The following USP38 variants were observed in gnomAD, a reference collection of about 807,000 sequenced individuals.
The protein encoded by USP38 is ubiquitin specific peptidase 38.
Under a neutral mutation model 94.3 loss-of-function variants are expected in USP38, and 49 were observed. The observed-to-expected ratio is 0.52, with a 90% CI of 0.41 to 0.66. The LOEUF (loss-of-function observed/expected upper bound fraction) is 0.66. USP38 is among the 30% of genes least tolerant of loss of function. The pLI is 0.00. For missense variants in USP38, 1,128 were observed against 1,229.4 expected (o/e 0.92, Z 1.23); for synonymous variants, 468 against 463.6 (o/e 1.01, Z -0.12).
intron 9 of USP38, among the ~76,000 whole-genome samples, chr4:143,219,061 A>T (rs1732256673): frequency 6.6e-6 from 1 of 152,254 alleles, no homozygotes; most frequent in Non-Finnish European, 1.5e-5. Context: ...CCAAAGAGCC[A>T]GCAATTTTAA....
chr4:143,188,034 A>T (rs1343775811), intron 2 of USP38, 73 bp downstream of exon 2: 11 of 1,445,304 alleles, frequency 7.6e-6, no homozygotes, highest in Admixed American at 4.9e-5. Flanking sequence ...TTTGTGAGTA[A>T]TGAAAAACTT....
chr4:143,212,376 C>G lies in USP38; in HGVS notation c.1556C>G (p.Pro519Arg), dbSNP rs769053014. The G allele has an allele frequency of 7.4e-6, 12 of 1,612,256 alleles. No homozygotes were observed. The highest frequency in any genetic ancestry group is 1.0e-5 in the Non-Finnish European group (12 of 1,178,998). Residue 519 changes from proline to arginine, a missense_variant, in exon 8 of 10, where the codon CCC becomes CGC. Coordinates refer to ENST00000307017, the MANE Select transcript of USP38 (RefSeq NM_032557.6). ...FEASRPPWFT[P>R]RSQQDCSEYL... is the part of the protein sequence containing the mutation. ...GCTTCCAGACCTCCATGGTTTACTC[C>G]CAGATCACAGCAAGACTGTTCTGAA...
intron 6 of USP38, 132 bp from the exon 7 acceptor site, chr4:143,209,432 G>A (rs983761887): frequency 5.8e-6 from 3 of 514,660 alleles, no homozygotes; most frequent in East Asian, 7.1e-5. Context: ...TGAGGTTTCG[G>A]TGAGCTGAGA....
In USP38 at chr4:143,209,758, A is replaced by G. The variant is rs1202185255; in HGVS notation, c.1497+101A>G. 11 of 665,080 alleles carry G rather than the reference A, an allele frequency of 1.7e-5. No individual in the cohort carries two copies. In the Admixed American group the frequency reaches 2.8e-4, roughly 17 times the overall value. The allele number at this position is 665,080 out of a possible 1,614,324, so 41.2% of individuals were successfully genotyped here. A position where few individuals can be genotyped will look rare whatever the true frequency, so the allele number is the denominator to read the frequency against. ...CCTTTTTAACTGATGAAATAATATA[A>G]TAGATATCTCACCCAGTATAACAAA... On this transcript the variant is annotated intron_variant, in intron 7 of 9. Coordinates refer to ENST00000307017, the MANE Select transcript of USP38 (RefSeq NM_032557.6).
At chr4:143,189,648 T>C (rs1344516115) in intron 2 of USP38, among the ~76,000 whole-genome samples, 3 of 152,030 alleles carry the variant, frequency 2.0e-5, no homozygotes, top group Non-Finnish European at 4.4e-5. Context: ...ATTGAATCAA[T>C]TTATCTGTAA....
At chr4:143,204,528 T>G (rs1240685308) in intron 5 of USP38, 2 of 400,300 alleles carry the variant, frequency 5.0e-6, no homozygotes, top group African/African-American at 2.1e-5. Context: ...TAGCTGGGAC[T>G]CCAGGTGCAC....
At chr4:143,212,962 A>G (rs1272393057) in intron 8 of USP38, among the ~76,000 whole-genome samples, 1 of 152,120 alleles carries the variant, frequency 6.6e-6, no homozygotes, top group Non-Finnish European at 1.5e-5. Flanking sequence ...CTCAGTTCTG[A>G]CAGTAAATAT....
At chr4:143,204,621 T>C (rs1300698604) in intron 5 of USP38, 2 of 314,330 alleles carry the variant, frequency 6.4e-6, no homozygotes, top group Admixed American at 9.4e-5. Flanking sequence ...ATTCCTAGGC[T>C]CAAGTGATCC....
chr4:143,209,048 T>C (rs1731952802), intron 6 of USP38, among the ~76,000 whole-genome samples: 1 of 151,472 alleles, frequency 6.6e-6, no homozygotes, highest in Admixed American at 6.6e-5. Context: ...TTTTATAGTG[T>C]GTTTTAATGA....
chr4:143,213,384 A>G (rs1310369836), intron 8 of USP38, among the ~76,000 whole-genome samples, 197 bp from the exon 9 acceptor site: 3 of 152,194 alleles, frequency 2.0e-5, no homozygotes, highest in Non-Finnish European at 4.4e-5. Flanking sequence ...TAATGAGAAT[A>G]TAGAGTAGTA....
rs772270124 is a variant in USP38, at chr4:143,203,392, C to A, written c.1051-16C>A. 1.9e-6 allele frequency: 3 copies of A among 1,602,054 alleles called. No individual in the cohort carries two copies. Among genetic ancestry groups the A allele is most frequent in the Non-Finnish European group, 2.6e-6 (3 of 1,172,972 alleles). ...TTTGTATAAATTCAGCATTGTTTAT[C>A]CTTTTTTCTTTTCAGATTGTTCCTC... On this transcript the variant is annotated splice_polypyrimidine_tract_variant and intron_variant, in intron 4 of 9. Coordinates refer to ENST00000307017, the MANE Select transcript of USP38 (RefSeq NM_032557.6).
Position 143,195,694 on chromosome 4 carries a change from TTTCATTTTCC to T in USP38, c.819-17_819-8del. The T allele has an allele frequency of 6.4e-7, 1 of 1,571,402 alleles. No homozygotes were observed. Among genetic ancestry groups the T allele is most frequent in the Non-Finnish European group, 8.6e-7 (1 of 1,159,452 alleles). On this transcript the variant is annotated splice_polypyrimidine_tract_variant and intron_variant, in intron 2 of 9. Transcript: ENST00000307017. ...ATGAAAATATTTTCAATAATGATTG[TTTCATTTTCC>T]TTCAATTTCAGAATGATTGACTGGC...
Position 143,185,932 on chromosome 4 carries a change from G to A in USP38, c.482G>A (p.Gly161Glu). ...LTDFVQCIPK[G>E]KLSITFCQQL... is the part of the protein sequence containing the mutation. ...GACTTTGTGCAATGCATCCCCAAGG[G>A]GAAATTGTCCATCACGTTCTGTCAA... Residue 161 changes from glycine to glutamate, a missense_variant, in exon 1 of 10, where the codon GGG becomes GAG. Physicochemically the swap from Gly to Glu is moderately conservative, Grantham distance 98 (BLOSUM62 -2). Coordinates refer to ENST00000307017, the MANE Select transcript of USP38 (RefSeq NM_032557.6). 1 of 1,614,166 alleles carries A rather than the reference G, an allele frequency of 6.2e-7. No individual in the cohort carries two copies. The highest frequency in any genetic ancestry group is 8.5e-7 in the Non-Finnish European group (1 of 1,180,038).
At position 143,220,434 on chromosome 4, in the gene USP38, C is replaced by T. The variant is rs1319882122; in HGVS notation, c.3107C>T (p.Thr1036Ile). 3 of 1,612,714 alleles carry T rather than the reference C, an allele frequency of 1.9e-6. No homozygotes were observed. Among genetic ancestry groups the T allele is most frequent in the Admixed American group, 3.3e-5 (2 of 59,804 alleles). The change falls in exon 10 of 10, where the codon ACA becomes ATA. Residue 1036 changes from threonine (T) to isoleucine (I), a missense_variant. Physicochemically the swap from Thr to Ile is moderately conservative, Grantham distance 89. Transcript: ENST00000307017. ...GGAGGGGGTGGAGGAGGATTTAATA[C>T]AGTTGGCAGACTCGTATTTTGATCC... ...TGGGGGGGFN[T>I]VGRLVF
In USP38 at chr4:143,198,240, G is replaced by A. The variant is rs562659796; in HGVS notation, c.1050+316G>A. 2.8e-4 allele frequency among the ~76,000 whole-genome samples: 43 copies of A among 152,246 alleles called. 1 individual carries two copies. In the South Asian group the frequency reaches 7.5e-3, roughly 26 times the overall value. ...AGGATTAAAATGATTGAAAACCACT[G>A]CTTTAGAATTTTGAAAGCATGAAAA... On this transcript the variant is annotated intron_variant, in intron 4 of 9. Coordinates refer to ENST00000307017, the MANE Select transcript of USP38 (RefSeq NM_032557.6).
intron 9 of USP38, among the ~76,000 whole-genome samples, chr4:143,217,627 C>T (rs1365708422): frequency 2.0e-5 from 3 of 152,086 alleles, no homozygotes; most frequent in Non-Finnish European, 4.4e-5. Flanking sequence ...TAGAAACTCA[C>T]CTTGTGATAA....
chr4:143,212,691 C>G (rs111817885), intron 8 of USP38, among the ~76,000 whole-genome samples: 5 of 152,072 alleles, frequency 3.3e-5, no homozygotes, highest in Non-Finnish European at 5.9e-5. Context: ...GAGGTCTTCT[C>G]TTTTCCAACA....
Position 143,214,726 on chromosome 4 carries a change from A to G in USP38, c.2750A>G (p.Asn917Ser). 2 of 1,613,750 alleles carry G rather than the reference A, an allele frequency of 1.2e-6. No homozygotes were observed. Among genetic ancestry groups the G allele is most frequent in the Non-Finnish European group, 1.7e-6 (2 of 1,179,804 alleles). ...KEMSKEWFLF[N>S]DSRVTFTSFQ... ...ATGTCAAAAGAATGGTTTTTATTTAATGACAGTAGAGTGACATTTACTTCA... is the reference window on the plus strand; with the variant it reads ...ATGTCAAAAGAATGGTTTTTATTTAGTGACAGTAGAGTGACATTTACTTCA... Residue 917 changes from asparagine (N) to serine (S), a missense_variant, in exon 9 of 10, where the codon AAT (asparagine) becomes AGT (serine). Physicochemically the swap from Asn to Ser is conservative, Grantham distance 46 (BLOSUM62 1). Transcript: ENST00000307017.
chr4:143,187,787 A>G (rs746119226), intron 1 of USP38, 39 bp from the exon 2 acceptor site: 25 of 1,568,836 alleles, frequency 1.6e-5, no homozygotes, highest in South Asian at 7.2e-5. Flanking sequence ...ACTTGAACCT[A>G]CTTGCCATGT....
Sources: gnomAD v4.1 joint callset for allele counts (sites outside exome capture counted in the v4.1 genomes callset) on GRCh38, gnomAD v4.1.1 for gene constraint, MANE v1.5 for transcripts, NCBI Gene and HGNC (gene_info 2026-07-23, HGNC 2026-07-21) for gene names.